Variants in PDLIM1 observed in about 807,000 individuals in gnomAD.
PDLIM1 encodes PDZ and LIM domain 1.
Under a neutral mutation model 35.2 loss-of-function variants are expected in PDLIM1, and 25 were observed. The observed-to-expected ratio is 0.71, with a 90% confidence interval of 0.52 to 0.99. The LOEUF is 0.99. PDLIM1 is among the 50% of genes least tolerant of loss of function. The pLI, the probability that PDLIM1 is intolerant of heterozygous loss-of-function variation, is 0.00. For synonymous variants in PDLIM1, 152 were observed against 154.0 expected, an observed-to-expected ratio of 0.99 and a Z score of 0.10; for missense variants, 363 against 415.3, an observed-to-expected ratio of 0.87 and a Z score of 1.09.
At chr10:95,289,558 G>A (rs2035634046) in intron 1 of PDLIM1, among the ~76,000 whole-genome samples, 1 of 152,234 alleles carries the variant, frequency 6.6e-6, no homozygotes, top group African/African-American at 2.4e-5. Flanking sequence ...GTAGGACTGT[G>A]GCTGGCAGAC....
intron 4 of PDLIM1, among the ~76,000 whole-genome samples, chr10:95,252,297 C>T (rs1388022263): frequency 6.6e-6 from 1 of 152,160 alleles, no homozygotes; most frequent in Non-Finnish European, 1.5e-5. Context: ...GGAGCCAGAA[C>T]TCCCACCCCA....
At chr10:95,277,681 G>C (rs781017113) in intron 1 of PDLIM1, among the ~76,000 whole-genome samples, 12 of 151,014 alleles carry the variant, frequency 7.9e-5, no homozygotes, top group Admixed American at 1.3e-4. Context: ...ACGGGTTTAG[G>C]CACAACAATT....
rs1265964068 is a variant in PDLIM1 at position 95,271,713 on chromosome 10, T to G, written c.168A>C (p.Glu56Asp). Residue 56 changes from glutamate (E) to aspartate (D), a missense_variant, in exon 2 of 7, where the codon GAA becomes GAC. Coordinates refer to ENST00000329399, the MANE Select transcript of PDLIM1 (RefSeq NM_020992.4). ...CCAAGTGTGTCATATTGCTAGTATTTTCCCCATCAATGGCTGTGATTACAT... is the reference window on the plus strand; with the variant it reads ...CCAAGTGTGTCATATTGCTAGTATTGTCCCCATCAATGGCTGTGATTACAT... ...IGDVITAIDG[E>D]NTSNMTHLEA... The G allele has an allele frequency of 6.2e-7, 1 of 1,612,736 alleles. No individual in the cohort carries two copies. Among genetic ancestry groups the G allele is most frequent in the African/African-American group, 1.3e-5 (1 of 74,872 alleles).
chr10:95,280,439 T>C (rs2035551757), intron 1 of PDLIM1, among the ~76,000 whole-genome samples: 1 of 152,214 alleles, frequency 6.6e-6, no homozygotes, highest in Non-Finnish European at 1.5e-5. Context: ...ACAAATGAGT[T>C]TGTGACCACT....
At position 95,240,567 on chromosome 10, in the gene PDLIM1, G is replaced by A. The variant is rs367567893; in HGVS notation, c.686-1882C>T. Among the ~76,000 whole-genome samples the A allele has an allele frequency of 1.2e-4, 19 of 152,212 alleles. No individual in the cohort carries two copies. In the East Asian group the frequency reaches 1.7e-3, roughly 14 times the overall value. ...GCTGGGCTTAATATCTAGGTGATGG[G>A]ATGATCTGTGCAGCAAACCACCATG... is the stretch of plus-strand genomic sequence containing the variant. On this transcript the variant is annotated intron_variant, in intron 5 of 6. Coordinates refer to ENST00000329399, the MANE Select transcript of PDLIM1 (RefSeq NM_020992.4).
chr10:95,272,986 A>G (rs1391084348), intron 1 of PDLIM1: 1 of 152,240 alleles, frequency 6.6e-6, no homozygotes, highest in African/African-American at 2.4e-5. Context: ...AAGTGAATAC[A>G]GATGCTATTA....
At chr10:95,282,208 T>G (rs773267287) in intron 1 of PDLIM1, among the ~76,000 whole-genome samples, 2 of 152,196 alleles carry the variant, frequency 1.3e-5, no homozygotes, top group African/African-American at 4.8e-5. Flanking sequence ...GATTCTAAAC[T>G]GGGGATAAAG....
chr10:95,239,655 G>C (rs2035159381), intron 5 of PDLIM1, among the ~76,000 whole-genome samples: 1 of 152,128 alleles, frequency 6.6e-6, no homozygotes, highest in African/African-American at 2.4e-5. Flanking sequence ...AATTAGCCAG[G>C]TGTGGTGGCA....
chr10:95,244,114 T>C lies in PDLIM1; in HGVS notation c.685+3101A>G, dbSNP rs74437764. 7.2e-5 allele frequency among the ~76,000 whole-genome samples: 11 copies of C among 152,298 alleles called. No homozygotes were observed. The East Asian group carries it at 2.1e-3, about 29-fold the overall frequency. On this transcript the variant is annotated intron_variant, in intron 5 of 6. Coordinates refer to ENST00000329399, the MANE Select transcript of PDLIM1 (RefSeq NM_020992.4). ...TTAAGATGGTAAATTTTATATTAAG[T>C]ATATTTCACCATTTTTCTTAATATA...
chr10:95,269,054 C>T (rs1297989054), intron 2 of PDLIM1, among the ~76,000 whole-genome samples, 192 bp from the exon 3 acceptor site: 1 of 152,218 alleles, frequency 6.6e-6, no homozygotes, highest in African/African-American at 2.4e-5. Context: ...TGGCTGATGG[C>T]TCCCCAGCAT....
chr10:95,290,746 G>T lies in PDLIM1; in HGVS notation c.96+74C>A. 1 of 1,064,166 alleles carries T rather than the reference G, an allele frequency of 9.4e-7. No individual in the cohort carries two copies. The highest frequency in any genetic ancestry group is 1.3e-6 in the Non-Finnish European group (1 of 760,340). 65.9% of individuals were successfully genotyped at this position (1,064,166 alleles called of 1,614,324 possible). Reference sequence around the variant, plus strand: ...CGGTTCCGACTCCGTCCCCGACCGCGCCCGCGGGGCCCCAGTCTCCGCATA... The same window carrying T: ...CGGTTCCGACTCCGTCCCCGACCGCTCCCGCGGGGCCCCAGTCTCCGCATA... On this transcript the variant is annotated intron_variant, in intron 1 of 6. Transcript: ENST00000329399. The surrounding 1 kb of genome is among the most constrained non-coding windows in gnomAD (Gnocchi z 4.7).
chr10:95,276,594 G>A (rs2035513328), intron 1 of PDLIM1, among the ~76,000 whole-genome samples: 1 of 152,136 alleles, frequency 6.6e-6, no homozygotes, highest in Non-Finnish European at 1.5e-5. Context: ...TAATCAAAAT[G>A]ACAGCCATCA....
At chr10:95,250,076 A>G (rs2035254935) in intron 4 of PDLIM1, among the ~76,000 whole-genome samples, 1 of 152,156 alleles carries the variant, frequency 6.6e-6, no homozygotes, top group African/African-American at 2.4e-5. Context: ...CCTTTCTTTG[A>G]GTTATATGCC....
chr10:95,278,229 G>A (rs999451049), intron 1 of PDLIM1, among the ~76,000 whole-genome samples: 3 of 152,216 alleles, frequency 2.0e-5, no homozygotes, highest in Non-Finnish European at 2.9e-5. Context: ...CTTGGGCAGG[G>A]TATTTCACCT....
At chr10:95,273,692 G>A (rs2035486362) in intron 1 of PDLIM1, among the ~76,000 whole-genome samples, 1 of 152,160 alleles carries the variant, frequency 6.6e-6, no homozygotes, top group African/African-American at 2.4e-5. Context: ...TCAAGGTTCA[G>A]ATCGTCCCCT....
chr10:95,259,851 G>C (rs2035346159), intron 4 of PDLIM1, among the ~76,000 whole-genome samples: 1 of 152,200 alleles, frequency 6.6e-6, no homozygotes, highest in African/African-American at 2.4e-5. Flanking sequence ...CTATTATCTA[G>C]GGCCTAGTAT....
intron 2 of PDLIM1, among the ~76,000 whole-genome samples, chr10:95,269,267 C>A (rs184182286): frequency 6.6e-6 from 1 of 152,158 alleles, no homozygotes. Context: ...GCCTGTTTGA[C>A]CCAAATGAAA....
intron 3 of PDLIM1, among the ~76,000 whole-genome samples, chr10:95,265,760 T>TA (rs1415005025): frequency 1.3e-5 from 2 of 149,528 alleles, no homozygotes; most frequent in Non-Finnish European, 3.0e-5. Context: ...AAAAAAAAGT[T>TA]AGACAGTCAA....
At chr10:95,262,941 G>A (rs1285859896) in intron 4 of PDLIM1, among the ~76,000 whole-genome samples, 1 of 151,940 alleles carries the variant, frequency 6.6e-6, no homozygotes, top group Non-Finnish European at 1.5e-5. Context: ...CCAGGAGTTC[G>A]AGACCAGCCT....
Sources: gnomAD v4.1 joint callset for allele counts (sites outside exome capture counted in the v4.1 genomes callset) on GRCh38, gnomAD v4.1.1 for gene constraint, Gnocchi (gnomAD v3.1) non-coding constraint, MANE v1.5 for transcripts, NCBI Gene and HGNC (gene_info 2026-07-23, HGNC 2026-07-21) for gene names.